DNHD1: variants seen among roughly 807,000 people sequenced by gnomAD.
The protein encoded by DNHD1 is dynein heavy chain domain 1, also known as dynein heavy chain domain-containing protein 1.
A neutral mutation model predicts 458.1 loss-of-function variants in DNHD1; 383 were observed. That is an observed-to-expected ratio of 0.84 (90% CI 0.77 to 0.91). DNHD1 has a LOEUF of 0.91. Among genes scored for constraint, DNHD1 ranks in the 40% least tolerant of loss-of-function variants. DNHD1 has a pLI of 0.00. For synonymous variants in DNHD1, 2,203 were observed against 2,376.9 expected (o/e 0.93, Z 2.13); for missense variants, 5,336 against 5,866.1 (o/e 0.91, Z 2.95).
In DNHD1 at chr11:6,567,635, C is replaced by A. The variant is rs372453872; in HGVS notation, c.12126C>A (p.Ile4042=). The A allele has an allele frequency of 1.2e-5, 19 of 1,613,840 alleles. No individual in the cohort carries two copies. The Middle Eastern group carries it at 4.9e-4, about 42-fold the overall frequency. ...CACTCAGCCTCCTCCAGAAGCTGAT[C>A]CTGTGGCGCGTTCTGCGACCTGAGT... ...PEPLSLLQKL[I]LWRVLRPECL... Residue 4042 remains isoleucine (I), a synonymous_variant, in exon 36 of 43, where the codon ATC becomes ATA. Coordinates refer to ENST00000254579, the MANE Select transcript of DNHD1 (RefSeq NM_144666.3).
chr11:6,528,222 T>C lies in DNHD1; in HGVS notation c.1838-300T>C, dbSNP rs184768881. ...CTCAACCTTGAGTGGTTTTGTATTTTAGCTCTCCTATTATTCTGCAACCCA... is the reference window on the plus strand; with the variant it reads ...CTCAACCTTGAGTGGTTTTGTATTTCAGCTCTCCTATTATTCTGCAACCCA... On this transcript the variant is annotated intron_variant, in intron 10 of 42. Transcript: ENST00000254579. Among the ~76,000 whole-genome samples, 3 of 152,364 alleles carry C rather than the reference T, an allele frequency of 2.0e-5. No homozygotes were observed. In the East Asian group the frequency reaches 5.8e-4, roughly 29 times the overall value.
At chr11:6,541,513 G>T (rs1439031581) in intron 18 of DNHD1, among the ~76,000 whole-genome samples, 2 of 152,180 alleles carry the variant, frequency 1.3e-5, no homozygotes, top group African/African-American at 2.4e-5. Context: ...GCTTTAGTCC[G>T]TACATTTGAT....
rs1315637732 is a variant in DNHD1 at position 6,533,671 on chromosome 11, A to T, written c.2506-10A>T. 1 of 1,538,996 alleles carries T rather than the reference A, an allele frequency of 6.5e-7. No homozygotes were observed. The highest frequency in any genetic ancestry group is 2.5e-5 in the East Asian group (1 of 40,744). On this transcript the variant is annotated splice_polypyrimidine_tract_variant and intron_variant, in intron 13 of 42. Coordinates refer to ENST00000254579, the MANE Select transcript of DNHD1 (RefSeq NM_144666.3). Reference sequence around the variant, plus strand: ...GTGGGGCTGCCGGTCTCATGCTGTAATTCCTGCAGTTGAATGAAGCCAATG... The same window carrying T: ...GTGGGGCTGCCGGTCTCATGCTGTATTTCCTGCAGTTGAATGAAGCCAATG...
Position 6,565,918 on chromosome 11 carries a change from C to T in DNHD1, c.10980C>T (p.Ser3660=), listed in dbSNP as rs2134457881. ...SKPAYETQLP[S]LPYLSVLSGA... ...CAGCCTATGAGACTCAGCTTCCATC[C>T]CTTCCCTACCTTAGTGTTCTTTCAG... Residue 3660 remains serine, a synonymous_variant, in exon 33 of 43, where the codon TCC becomes TCT. Transcript: ENST00000254579. 6.4e-7 allele frequency: 1 copy of T among 1,551,628 alleles called. No homozygotes were observed. Among genetic ancestry groups the T allele is most frequent in the Non-Finnish European group, 8.7e-7 (1 of 1,146,978 alleles).
intron 7 of DNHD1, among the ~76,000 whole-genome samples, chr11:6,512,792 G>T (rs1852372601): frequency 6.6e-6 from 1 of 151,978 alleles, no homozygotes; most frequent in African/African-American, 2.4e-5. Context: ...CAAGGGTAGA[G>T]ATCTTTGTTT....
chr11:6,544,258 C>T lies in DNHD1; in HGVS notation c.3754+12C>T, dbSNP rs1213980379. 6.4e-7 allele frequency: 1 copy of T among 1,551,354 alleles called. No homozygotes were observed. Among genetic ancestry groups the T allele is most frequent in the Non-Finnish European group, 8.7e-7 (1 of 1,146,922 alleles). ...CATGCATGGCCTGGGTAAGTGCAGG[C>T]CTCTAGCCAGGCTGATGGGTGAGAC... On this transcript the variant is annotated intron_variant, in intron 19 of 42. Transcript: ENST00000254579.
chr11:6,545,647 C>A lies in DNHD1; in HGVS notation c.4708C>A (p.Leu1570Ile). The change falls in exon 21 of 43, where the codon CTT (leucine) becomes ATT (isoleucine). Residue 1570 changes from leucine to isoleucine, a missense_variant. Transcript: ENST00000254579. This position sits in a 1 kb window ranked among gnomAD's most constrained non-coding sequence, Gnocchi z 4.9. ...CCTGCCTTCTGTCCGCCAGACCAGCCTTCTCAGTGCCCTGCTGGTCATGGC... is the reference window on the plus strand; with the variant it reads ...CCTGCCTTCTGTCCGCCAGACCAGCATTCTCAGTGCCCTGCTGGTCATGGC... ...QSLPSVRQTS[L>I]LSALLVMAVT... 1 of 1,551,804 alleles carries A rather than the reference C, an allele frequency of 6.4e-7. No individual in the cohort carries two copies. The highest frequency in any genetic ancestry group is 2.4e-5 in the East Asian group (1 of 40,910).
chr11:6,565,726 G>A lies in DNHD1; in HGVS notation c.10788G>A (p.Glu3596=), dbSNP rs575323064. The stretch of plus-strand genomic sequence containing the variant: ...GCCTCATGAGAAATCAAAAGAGAGA[G>A]AGTAAAACGGACATGAAAGAGGAAG... ...GKGLMRNQKR[E]SKTDMKEEDD... The change falls in exon 33 of 43, where the codon GAG becomes GAA. Residue 3596 remains glutamate, a synonymous_variant. Transcript: ENST00000254579. 1.8e-5 allele frequency: 28 copies of A among 1,550,388 alleles called. No individual in the cohort carries two copies. The South Asian group carries it at 2.9e-4, about 16-fold the overall frequency.
In DNHD1 at chr11:6,547,154, G is replaced by A. The variant is rs180720254; in HGVS notation, c.6215G>A (p.Arg2072Lys). The change falls in exon 21 of 43, where the codon AGG becomes AAG. Residue 2072 changes from arginine (R) to lysine (K), a missense_variant. Physicochemically the swap from Arg to Lys is conservative, Grantham distance 26. Transcript: ENST00000254579. ...AGQCNNMGQK[R>K]QTEESIGIQH... ...CAGTGTAACAACATGGGCCAAAAGA[G>A]GCAGACAGAGGAATCAATCGGGATC... The A allele has an allele frequency of 5.0e-5, 78 of 1,551,794 alleles. No homozygotes were observed. The highest frequency in any genetic ancestry group is 4.2e-4 in the East Asian group (17 of 40,930).
Position 6,545,350 on chromosome 11 carries a change from C to T in DNHD1, c.4411C>T (p.Leu1471Phe), listed in dbSNP as rs1009939353. ...GCTGCAGGGCTGTGTGGCTGCTCGC[C>T]TTGCTCGAGGCCCATCTCTAGGTGA... ...HMLQGCVAAR[L>F]ARGPSLGEAL... is the part of the protein sequence containing the mutation. The change falls in exon 21 of 43, where the codon CTT (leucine) becomes TTT (phenylalanine). Residue 1471 changes from leucine to phenylalanine, a missense_variant. Physicochemically the swap from Leu to Phe is conservative, Grantham distance 22. This residue lies in a region of DNHD1 where 3,932 missense variants were observed against 4,365.6 expected (regional missense o/e 0.90). Coordinates refer to ENST00000254579, the MANE Select transcript of DNHD1 (RefSeq NM_144666.3). This position sits in a 1 kb window ranked among gnomAD's most constrained non-coding sequence, Gnocchi z 4.9. 7.1e-6 allele frequency: 11 copies of T among 1,551,668 alleles called. No homozygotes were observed. The Admixed American group carries it at 2.2e-4, about 30-fold the overall frequency.
At chr11:6,567,921 A>AC (rs1853745869) in intron 36 of DNHD1, 61 bp downstream of exon 36, 1 of 1,495,626 alleles carries the variant, frequency 6.7e-7, no homozygotes, top group South Asian at 1.4e-5. Flanking sequence ...GGCATGGGGG[A>AC]CCCCCTCCAA....
At position 6,522,764 on chromosome 11, in the gene DNHD1, A is replaced by G. The variant is rs999477230; in HGVS notation, c.1837+2475A>G. Among the ~76,000 whole-genome samples, 11 of 152,340 alleles carry G rather than the reference A, an allele frequency of 7.2e-5. No homozygotes were observed. In the East Asian group the frequency reaches 1.7e-3, roughly 24 times the overall value. On this transcript the variant is annotated intron_variant, in intron 10 of 42. Transcript: ENST00000254579. ...TTGTATGGCCTTTTAACTAAATTAC[A>G]AAATAATTTCAATAGCCCCACTTAC...
chr11:6,498,388 T>C lies in DNHD1; in HGVS notation c.173T>C (p.Leu58Pro), dbSNP rs1368266202. 1 of 1,614,244 alleles carries C rather than the reference T, an allele frequency of 6.2e-7. No individual in the cohort carries two copies. Among genetic ancestry groups the C allele is most frequent in the Non-Finnish European group, 8.5e-7 (1 of 1,180,034 alleles). The part of the protein sequence containing the change: ...PVTESEQPTV[L>P]ELLLAELRTL... ...ACTGAGTCAGAGCAGCCCACAGTGC[T>C]GGAACTCCTGCTAGCTGAGCTCCGA... is the stretch of plus-strand genomic sequence containing the variant. Residue 58 changes from leucine (L) to proline (P), a missense_variant, in exon 3 of 43, where the codon CTG becomes CCG. This residue lies in a region of DNHD1 where 3,932 missense variants were observed against 4,365.6 expected (regional missense o/e 0.90). Transcript: ENST00000254579.
intron 12 of DNHD1, among the ~76,000 whole-genome samples, chr11:6,530,226 A>G (rs1354892285): frequency 6.6e-6 from 1 of 151,846 alleles, no homozygotes; most frequent in Admixed American, 6.6e-5. Flanking sequence ...TCTACTACCT[A>G]TTTTCTCCTC....
At position 6,548,674 on chromosome 11, in the gene DNHD1, G is replaced by A; in HGVS notation, c.7128G>A (p.Leu2376=). The change falls in exon 24 of 43, where the codon CTG becomes CTA. Residue 2376 remains leucine (L), a synonymous_variant. Coordinates refer to ENST00000254579, the MANE Select transcript of DNHD1 (RefSeq NM_144666.3). This position sits in a 1 kb window ranked among gnomAD's most constrained non-coding sequence, Gnocchi z 4.4. The stretch of plus-strand genomic sequence containing the variant: ...AACGGCTCTTGTATGTGGTGGACCT[G>A]CTTCTGTCAGGGGGACAGCCAGTGT... The part of the protein sequence containing the change: ...QTERLLYVVD[L]LLSGGQPVLL... The A allele has an allele frequency of 4.5e-6, 7 of 1,551,646 alleles. No homozygotes were observed. Among genetic ancestry groups the A allele is most frequent in the Non-Finnish European group, 6.1e-6 (7 of 1,146,964 alleles).
chr11:6,540,061 T>C lies in DNHD1; in HGVS notation c.3606T>C (p.Asp1202=). ...RSPQWEVVDK[D]SGTFILSDYS... The stretch of plus-strand genomic sequence containing the variant: ...CCCAATGGGAGGTAGTGGACAAAGA[T>C]AGTGGCACCTTCATCCTCTCAGGTG... Residue 1202 remains aspartate, a synonymous_variant, in exon 18 of 43, where the codon GAT becomes GAC. Coordinates refer to ENST00000254579, the MANE Select transcript of DNHD1 (RefSeq NM_144666.3). 6.4e-7 allele frequency: 1 copy of C among 1,551,688 alleles called. No individual in the cohort carries two copies. Among genetic ancestry groups the C allele is most frequent in the Non-Finnish European group, 8.7e-7 (1 of 1,146,966 alleles).
chr11:6,538,520 C>T lies in DNHD1; in HGVS notation c.3126+10C>T. The T allele has an allele frequency of 6.4e-7, 1 of 1,551,776 alleles. No individual in the cohort carries two copies. Among genetic ancestry groups the T allele is most frequent in the Non-Finnish European group, 8.7e-7 (1 of 1,147,004 alleles). On this transcript the variant is annotated intron_variant, in intron 15 of 42. Transcript: ENST00000254579. The stretch of plus-strand genomic sequence containing the variant: ...CATGGCTTTTGCCAAGGTGCTGACA[C>T]CCTTCCTTGGAGCTCTTGACTGGGA...
chr11:6,500,730 C>T (rs913220209), intron 3 of DNHD1, among the ~76,000 whole-genome samples: 1 of 152,172 alleles, frequency 6.6e-6, no homozygotes, highest in Non-Finnish European at 1.5e-5. Flanking sequence ...GTTTGCCAGG[C>T]ATTCATTCAT....
In DNHD1 at chr11:6,571,571, C is replaced by A; in HGVS notation, c.13912-65C>A. The A allele has an allele frequency of 2.7e-6, 4 of 1,473,614 alleles. No homozygotes were observed. In the South Asian group the frequency reaches 5.5e-5, roughly 20 times the overall value. The allele number at this position is 1,473,614 out of a possible 1,614,324, so 91.3% of individuals were successfully genotyped here. A position where few individuals can be genotyped will look rare whatever the true frequency, so the allele number is the denominator to read the frequency against. The stretch of plus-strand genomic sequence containing the variant: ...TCACCACGACCTCCTACCCGCTAAC[C>A]CCCACTTCCCACCTGCCACCTCCCA... On this transcript the variant is annotated intron_variant, in intron 42 of 42. Transcript: ENST00000254579. The surrounding 1 kb of genome is among the most constrained non-coding windows in gnomAD (Gnocchi z 5.0).
Sources: allele counts gnomAD v4.1 joint callset (sites outside exome capture counted in the v4.1 genomes callset), GRCh38; gene constraint gnomAD v4.1.1; regional missense constraint gnomAD v4.1.1; non-coding constraint Gnocchi (gnomAD v3.1); transcripts MANE v1.5; gene names NCBI Gene and HGNC (gene_info 2026-07-23, HGNC 2026-07-21).